The following SETBP1 variants were observed in gnomAD, a reference collection of about 807,000 sequenced individuals.
SETBP1 encodes SET binding protein 1, also known as SET-binding protein.
In SETBP1, 9 loss-of-function variants were observed where a neutral mutation model predicts 101.0. The ratio of observed to expected loss-of-function variants is 0.09; its 90% CI spans 0.05 to 0.16. SETBP1 has a LOEUF of 0.16. Ranked by LOEUF, SETBP1 falls within the 10% of genes least tolerant of loss-of-function variation. The pLI is 1.00. For synonymous variants in SETBP1, 818 were observed against 788.5 expected (o/e 1.04, Z -0.63); for missense variants, 1,858 against 2,033.8 (o/e 0.91, Z 1.66).
intron 5 of SETBP1, among the ~76,000 whole-genome samples, chr18:45,050,698 T>C (rs568076951): frequency 6.6e-6 from 1 of 152,334 alleles, no homozygotes; most frequent in South Asian, 2.1e-4. Flanking sequence ...GTGTGAACAC[T>C]CTGTGTGGCC....
At chr18:44,757,928 C>T (rs768461128) in intron 2 of SETBP1, among the ~76,000 whole-genome samples, 2 of 152,124 alleles carry the variant, frequency 1.3e-5, no homozygotes, top group Non-Finnish European at 2.9e-5. Context: ...CAAGACATCC[C>T]AGGTACATCA....
At chr18:44,727,832 T>A (rs2069748698) in intron 2 of SETBP1, among the ~76,000 whole-genome samples, 1 of 151,578 alleles carries the variant, frequency 6.6e-6, no homozygotes, top group Non-Finnish European at 1.5e-5. Context: ...AACAAGTAAT[T>A]CTTCTTATAG....
At chr18:44,840,685 C>T (rs1393740738) in intron 2 of SETBP1, among the ~76,000 whole-genome samples, 6 of 152,196 alleles carry the variant, frequency 3.9e-5, no homozygotes, top group Admixed American at 1.3e-4. Flanking sequence ...CCAACTCTCA[C>T]GTTCCCAGTT....
intron 2 of SETBP1, among the ~76,000 whole-genome samples, chr18:44,748,385 C>A (rs1177952915): frequency 6.6e-6 from 1 of 152,186 alleles, no homozygotes; most frequent in Non-Finnish European, 1.5e-5. Context: ...GGAGAGCAAA[C>A]AAGAACATTG....
chr18:44,708,167 G>A (rs919448367), intron 2 of SETBP1, among the ~76,000 whole-genome samples: 2 of 152,164 alleles, frequency 1.3e-5, no homozygotes, highest in East Asian at 1.9e-4. Flanking sequence ...CAAGTGGGTG[G>A]CTCAGAGAGC....
chr18:44,779,212 A>G (rs2071072650), intron 2 of SETBP1, among the ~76,000 whole-genome samples: 1 of 152,182 alleles, frequency 6.6e-6, no homozygotes, highest in African/African-American at 2.4e-5. Context: ...GCCTTGTCAG[A>G]GAGGCAGGGT....
chr18:44,957,428 G>A (rs953078778), intron 4 of SETBP1, among the ~76,000 whole-genome samples: 4 of 151,968 alleles, frequency 2.6e-5, no homozygotes, highest in African/African-American at 7.3e-5. Flanking sequence ...TTACCTCTTA[G>A]TTTAGTGCCA....
chr18:44,922,783 G>A (rs2070611719), intron 3 of SETBP1, among the ~76,000 whole-genome samples: 1 of 152,166 alleles, frequency 6.6e-6, no homozygotes, highest in Non-Finnish European at 1.5e-5. Context: ...AGCTAAAGGG[G>A]CACAGCATCT....
At position 44,951,620 on chromosome 18, in the gene SETBP1, C is replaced by A. The variant is rs769433440; in HGVS notation, c.2280C>A (p.Ala760=). The A allele has an allele frequency of 6.2e-7, 1 of 1,614,204 alleles. No homozygotes were observed. The highest frequency in any genetic ancestry group is 8.5e-7 in the Non-Finnish European group (1 of 1,180,050). The change falls in exon 4 of 6, where the codon GCC becomes GCA. Residue 760 remains alanine, a synonymous_variant. Coordinates refer to ENST00000649279, the MANE Select transcript of SETBP1 (RefSeq NM_015559.3). The surrounding 1 kb of genome is among the most constrained non-coding windows in gnomAD (Gnocchi z 7.8). ...TTTCTAGCCAGCCGGATGTTCCAGC[C>A]GTGCCTTCCAACTTTCAGTCACTTG... ...RPVSSQPDVP[A]VPSNFQSLVA... is the part of the protein sequence containing the mutation.
At chr18:44,790,664 G>C (rs2071350380) in intron 2 of SETBP1, among the ~76,000 whole-genome samples, 1 of 152,158 alleles carries the variant, frequency 6.6e-6, no homozygotes, top group African/African-American at 2.4e-5. Flanking sequence ...GAAATGCATG[G>C]GGAACTTTTT....
intron 2 of SETBP1, among the ~76,000 whole-genome samples, chr18:44,826,118 A>G (rs1482596570): frequency 6.6e-6 from 1 of 152,246 alleles, no homozygotes; most frequent in East Asian, 1.9e-4. Flanking sequence ...AGGAAGGTCA[A>G]CAGAGGCCAA....
intron 2 of SETBP1, among the ~76,000 whole-genome samples, chr18:44,770,602 T>C (rs1239806829): frequency 6.6e-6 from 1 of 152,208 alleles, no homozygotes; most frequent in Non-Finnish European, 1.5e-5. Context: ...GTTTTTGTTT[T>C]CACACTTGCC....
intron 2 of SETBP1, among the ~76,000 whole-genome samples, chr18:44,851,285 T>A (rs1157140710): frequency 6.6e-6 from 1 of 152,016 alleles, no homozygotes; most frequent in Non-Finnish European, 1.5e-5. Flanking sequence ...AGGAGGTGAG[T>A]CTTCATTTGG....
At position 45,021,921 on chromosome 18, in the gene SETBP1, T is replaced by C. The variant is rs566091980; in HGVS notation, c.4001-16564T>C. Among the ~76,000 whole-genome samples, 8 of 152,234 alleles carry C rather than the reference T, an allele frequency of 5.3e-5. No individual in the cohort carries two copies. In the East Asian group the frequency reaches 1.5e-3, roughly 29 times the overall value. On this transcript the variant is annotated intron_variant, in intron 4 of 5. Transcript: ENST00000649279. ...AACTTCTAATGTAGAATTTGTCCAATAAATGTTGAGGAAGAGAAAAGGAAA... is the reference window on the plus strand; with the variant it reads ...AACTTCTAATGTAGAATTTGTCCAACAAATGTTGAGGAAGAGAAAAGGAAA...
chr18:44,882,523 C>A (rs1280849560), intron 3 of SETBP1, among the ~76,000 whole-genome samples: 2 of 151,470 alleles, frequency 1.3e-5, no homozygotes, highest in East Asian at 3.9e-4. Flanking sequence ...TTTTAACCTG[C>A]CTCTTTCTCC....
At chr18:44,720,921 C>A (rs2069577567) in intron 2 of SETBP1, among the ~76,000 whole-genome samples, 1 of 137,738 alleles carries the variant, frequency 7.3e-6, no homozygotes, top group African/African-American at 2.7e-5. Context: ...CCCACCCCAA[C>A]CCCTTGGGGA....
At position 45,066,731 on chromosome 18, in the gene SETBP1, C is replaced by T. The variant is rs1402665035; in HGVS notation, c.*3033C>T. ...GCATGGTGCTCCACATACAGCTTCA[C>T]AAAATATTTCATTATAAGAGAAACC... On this transcript the variant is annotated 3_prime_UTR_variant, in exon 6 of 6. Coordinates refer to ENST00000649279, the MANE Select transcript of SETBP1 (RefSeq NM_015559.3). 1.3e-5 allele frequency: 2 copies of T among 151,104 alleles called. No homozygotes were observed. Among genetic ancestry groups the T allele is most frequent in the East Asian group, 1.9e-4 (1 of 5,148 alleles). The allele number at this position is 151,104 out of a possible 1,614,324, so 9.4% of individuals were successfully genotyped here. A position where few individuals can be genotyped will look rare whatever the true frequency, so the allele number is the denominator to read the frequency against.
Position 44,877,395 on chromosome 18 carries a change from A to T in SETBP1, c.540+8112A>T, listed in dbSNP as rs1321557575. ...CCAACACTGAGCTTTCCTAGTTTTA[A>T]TAAAAGAGTAGGATTTGGACTCCTT... is the stretch of plus-strand genomic sequence containing the variant. On this transcript the variant is annotated intron_variant, in intron 3 of 5. Transcript: ENST00000649279. 7 of 980,436 alleles carry T rather than the reference A, an allele frequency of 7.1e-6. No homozygotes were observed. The East Asian group carries it at 6.8e-4, about 96-fold the overall frequency. 60.7% of individuals were successfully genotyped at this position (980,436 alleles called of 1,614,324 possible). A position where few individuals can be genotyped will look rare whatever the true frequency, so the allele number is the denominator to read the frequency against.
chr18:44,972,843 C>G, intron 4 of SETBP1, among the ~76,000 whole-genome samples: 1 of 152,172 alleles, frequency 6.6e-6, no homozygotes, highest in East Asian at 1.9e-4. Context: ...TTGACTTCCT[C>G]TTTTCCTAGT....
Sources: allele counts gnomAD v4.1 joint callset (sites outside exome capture counted in the v4.1 genomes callset), GRCh38; gene constraint gnomAD v4.1.1; non-coding constraint Gnocchi (gnomAD v3.1); transcripts MANE v1.5; gene names NCBI Gene and HGNC (gene_info 2026-07-23, HGNC 2026-07-21).